The following ATL1 variants were observed in gnomAD, a reference collection of about 807,000 sequenced individuals.
ATL1 encodes atlastin GTPase 1, also known as atlastin-1.
In ATL1, 31 loss-of-function variants were observed where a neutral mutation model predicts 75.5. The ratio of observed to expected loss-of-function variants is 0.41; its 90% confidence interval spans 0.31 to 0.55. ATL1 has a LOEUF of 0.55. ATL1 is among the 20% of genes least tolerant of loss of function. The pLI, the probability that ATL1 is intolerant of heterozygous loss-of-function variation, is 0.27. For synonymous variants in ATL1, 226 were observed against 233.3 expected (o/e 0.97, Z 0.28); for missense variants, 405 against 662.6 (o/e 0.61, Z 4.27).
At chr14:50,604,509 A>G (rs1405627185) in intron 6 of ATL1, among the ~76,000 whole-genome samples, 1 of 152,154 alleles carries the variant, frequency 6.6e-6, no homozygotes, top group East Asian at 1.9e-4. Context: ...AATAGTTTGC[A>G]TATACAACTC....
rs369574203 is a variant in ATL1, at chr14:50,560,345, G to T, written c.34+46G>T. On this transcript the variant is annotated intron_variant, in intron 1 of 13. Coordinates refer to ENST00000358385, the MANE Select transcript of ATL1 (RefSeq NM_015915.5). ...TCTGCAGCCTGCACGGGGTCTTCTG[G>T]CCCTCCACTTTCTGCTTCTGTGGAG... The T allele has an allele frequency of 2.3e-5, 37 of 1,606,592 alleles. No individual in the cohort carries two copies. The Admixed American group carries it at 5.1e-4, about 22-fold the overall frequency.
chr14:50,555,368 G>C (rs985229705), upstream of ATL1, among the ~76,000 whole-genome samples: 1 of 152,200 alleles, frequency 6.6e-6, no homozygotes, highest in Non-Finnish European at 1.5e-5. Flanking sequence ...TGCAACCTCT[G>C]CCTCCCGGGT....
chr14:50,599,983 C>CTT (rs57973857), intron 6 of ATL1, among the ~76,000 whole-genome samples: 5,619 of 143,798 alleles, frequency 0.039, 99 homozygotes, highest in Middle Eastern at 0.051. Context: ...ACTCTGTTGT[C>CTT]TTTTTTTTTT....
chr14:50,542,649 C>T (rs2038580288), intron 1 of ATL1: 1 of 151,940 alleles, frequency 6.6e-6, no homozygotes, highest in African/African-American at 2.4e-5. Context: ...TTCTTTGCCA[C>T]CTGTTTTTTT....
chr14:50,629,854 G>A, intron 12 of ATL1, 141 bp from the exon 13 acceptor site: 1 of 532,894 alleles, frequency 1.9e-6, no homozygotes, highest in South Asian at 3.6e-5. Context: ...GATAAAATAT[G>A]TAATCTAAAC....
chr14:50,615,707 T>C (rs977793740), intron 8 of ATL1, among the ~76,000 whole-genome samples: 1 of 152,204 alleles, frequency 6.6e-6, no homozygotes, highest in African/African-American at 2.4e-5. Context: ...CTCAGTATTG[T>C]GCAATTACCT....
intron 1 of ATL1, among the ~76,000 whole-genome samples, chr14:50,548,982 G>A (rs115182926): frequency 1.2e-3 from 179 of 152,260 alleles, no homozygotes; most frequent in African/African-American, 4.1e-3. Context: ...AACCAAGCCC[G>A]TCTCTGGGGT....
Position 50,573,839 on chromosome 14 carries a change from T to G in ATL1, c.34+13540T>G, listed in dbSNP as rs143103325. ...TTGAACTATGTTAAGTGTGCACAAATGTGGAATTGTTACATCTTCCTAATA... is the reference window on the plus strand; with the variant it reads ...TTGAACTATGTTAAGTGTGCACAAAGGTGGAATTGTTACATCTTCCTAATA... On this transcript the variant is annotated intron_variant, in intron 1 of 13. Transcript: ENST00000358385. Among the ~76,000 whole-genome samples the G allele has an allele frequency of 2.6e-5, 4 of 152,332 alleles. No individual in the cohort carries two copies. The East Asian group carries it at 7.7e-4, about 29-fold the overall frequency.
At chr14:50,568,388 C>T (rs2038924230) in intron 1 of ATL1, among the ~76,000 whole-genome samples, 1 of 151,924 alleles carries the variant, frequency 6.6e-6, no homozygotes, top group South Asian at 2.1e-4. Flanking sequence ...GCCTGGACAA[C>T]ATAACAAGAT....
chr14:50,631,701 C>T (rs1466499685), intron 13 of ATL1, among the ~76,000 whole-genome samples: 1 of 152,040 alleles, frequency 6.6e-6, no homozygotes, highest in African/African-American at 2.4e-5. Context: ...GTCACGGAAA[C>T]AAGGCAAGAG....
In ATL1 at chr14:50,632,444, T is replaced by C. The variant is rs1210205739; in HGVS notation, c.*105T>C. On this transcript the variant is annotated 3_prime_UTR_variant, in exon 14 of 14. Transcript: ENST00000358385. Reference sequence around the variant, plus strand: ...GTGCTTCCATCAGAACGGAGTAAAATACTAAACACCTCTGAAGACTGCAAA... The same window carrying C: ...GTGCTTCCATCAGAACGGAGTAAAACACTAAACACCTCTGAAGACTGCAAA... The C allele has an allele frequency of 2.5e-6, 2 of 794,990 alleles. No individual in the cohort carries two copies. Among genetic ancestry groups the C allele is most frequent in the East Asian group, 2.8e-5 (1 of 35,836 alleles). The allele number at this position is 794,990 out of a possible 1,614,324, so 49.2% of individuals were successfully genotyped here.
At chr14:50,591,186 A>G in intron 3 of ATL1, 111 bp downstream of exon 3, 2 of 1,110,202 alleles carry the variant, frequency 1.8e-6, no homozygotes, top group Non-Finnish European at 2.6e-6. Context: ...TTTGACATGA[A>G]GCTTAAAGTG....
At chr14:50,599,587 T>C (rs529939217) in intron 6 of ATL1, among the ~76,000 whole-genome samples, 52 of 152,126 alleles carry the variant, frequency 3.4e-4, no homozygotes, top group Middle Eastern at 3.4e-3. Flanking sequence ...GCAGAACAGA[T>C]ACATAAAAAT....
intron 1 of ATL1, among the ~76,000 whole-genome samples, chr14:50,540,653 T>A (rs2038549593): frequency 1.3e-5 from 2 of 152,136 alleles, no homozygotes; most frequent in Non-Finnish European, 2.9e-5. Flanking sequence ...GTGATTAAAG[T>A]AGAGATTTAA....
intron 1 of ATL1, among the ~76,000 whole-genome samples, chr14:50,568,728 T>C (rs1300129728): frequency 5.9e-5 from 9 of 152,204 alleles, no homozygotes. Context: ...TCTATTTGTC[T>C]TATAGCTTTT....
chr14:50,542,006 C>CA lies in ATL1; in HGVS notation c.-140+8681dup, dbSNP rs59075218. Reference sequence around the variant, plus strand: ...TGGGCGACAGAGCGAGATTCCGTCTCAAAAAAAAAAAAAAAAAAAAAAAAA... The same window carrying CA: ...TGGGCGACAGAGCGAGATTCCGTCTCAAAAAAAAAAAAAAAAAAAAAAAAAA... On this transcript the variant is annotated intron_variant, in intron 1 of 13. Coordinates refer to the ATL1 transcript ENST00000441560. Among the ~76,000 whole-genome samples, 20 of 62,478 alleles carry CA rather than the reference C, an allele frequency of 3.2e-4. 3 individuals carry two copies. The highest frequency in any genetic ancestry group is 7.1e-4 in the African/African-American group (9 of 12,630). The allele number at this position is 62,478 out of a possible 152,430, so 41.0% of individuals were successfully genotyped here.
At chr14:50,629,562 C>T (rs1403168759) in intron 12 of ATL1, among the ~76,000 whole-genome samples, 1 of 126,044 alleles carries the variant, frequency 7.9e-6, no homozygotes, top group Admixed American at 8.7e-5. Flanking sequence ...GCCTGGGCAA[C>T]AAGAGTGAAG....
chr14:50,624,670 T>G (rs1259833734), intron 11 of ATL1, among the ~76,000 whole-genome samples: 1 of 152,052 alleles, frequency 6.6e-6, no homozygotes, highest in Non-Finnish European at 1.5e-5. Flanking sequence ...CTAAGCTTAG[T>G]GAGGAAGGCA....
chr14:50,557,969 C>CT (rs2038784339), upstream of ATL1, among the ~76,000 whole-genome samples: 1 of 152,218 alleles, frequency 6.6e-6, no homozygotes, highest in African/African-American at 2.4e-5. Flanking sequence ...GACACACGAG[C>CT]TGACCCTCAG....
Sources: allele counts gnomAD v4.1 joint callset (sites outside exome capture counted in the v4.1 genomes callset), GRCh38; gene constraint gnomAD v4.1.1; transcripts MANE v1.5; gene names NCBI Gene and HGNC (gene_info 2026-07-23, HGNC 2026-07-21).